Variants in DIS3L2 observed in about 807,000 individuals in gnomAD.
DIS3L2 encodes the protein DIS3 like 3'-5' exoribonuclease 2, also known as DIS3-like exonuclease 2.
In DIS3L2, 34 loss-of-function variants were observed where a neutral mutation model predicts 97.5. The observed-to-expected ratio is 0.35, with a 90% CI of 0.27 to 0.46. The LOEUF (loss-of-function observed/expected upper bound fraction) is 0.46. Ranked by LOEUF, DIS3L2 falls within the 20% of genes least tolerant of loss-of-function variation. The pLI, the probability that DIS3L2 is intolerant of heterozygous loss-of-function variation, is 1.00. For missense variants in DIS3L2, 1,038 were observed against 1,146.0 expected (o/e 0.91, Z 1.36); for synonymous variants, 435 against 445.2 (o/e 0.98, Z 0.29).
At chr2:232,070,501 G>T (rs1695982659) in intron 5 of DIS3L2, among the ~76,000 whole-genome samples, 1 of 151,992 alleles carries the variant, frequency 6.6e-6, no homozygotes, top group Admixed American at 6.6e-5. Context: ...TATGAACTGG[G>T]TCTCCTCTGG....
chr2:232,149,361 C>T lies in DIS3L2; in HGVS notation c.950+12642C>T, dbSNP rs1394078343. Among the ~76,000 whole-genome samples, 6 of 105,526 alleles carry T rather than the reference C, an allele frequency of 5.7e-5. No individual in the cohort carries two copies. The East Asian group carries it at 1.5e-3, about 26-fold the overall frequency. The allele number at this position is 105,526 out of a possible 152,430, so 69.2% of individuals were successfully genotyped here. The stretch of plus-strand genomic sequence containing the variant: ...ATCCCTCCCCCCTCCCCCGACCCCA[C>T]CACAGTCCCCAGAGTGTGATATTCC... On this transcript the variant is annotated intron_variant, in intron 8 of 20. Coordinates refer to ENST00000325385, the MANE Select transcript of DIS3L2 (RefSeq NM_152383.5).
At chr2:232,190,044 G>A (rs570979165) in intron 9 of DIS3L2, among the ~76,000 whole-genome samples, 1 of 152,248 alleles carries the variant, frequency 6.6e-6, no homozygotes, top group South Asian at 2.1e-4. Flanking sequence ...TTTTAAAAAG[G>A]GGCTGAGCAC....
chr2:232,235,319 T>C (rs1692904081), intron 10 of DIS3L2, among the ~76,000 whole-genome samples: 2 of 152,248 alleles, frequency 1.3e-5, no homozygotes, highest in Admixed American at 1.3e-4. Context: ...GCATATGCCA[T>C]GTGACTTTTG....
intron 3 of DIS3L2, among the ~76,000 whole-genome samples, chr2:232,016,901 CCTCCCTCCCTCCCTCCCTCT>C (rs1694368449): frequency 7.2e-6 from 1 of 138,516 alleles, no homozygotes. Flanking sequence ...CTTTTTGTCC[CCTCCCTCCCTCCCTCCCTCT>C]CTCCCTCCCT....
At chr2:232,087,961 C>T (rs1339574570) in intron 6 of DIS3L2, 1 of 478,910 alleles carries the variant, frequency 2.1e-6, no homozygotes, top group African/African-American at 1.9e-5. Flanking sequence ...TCCTAATAGG[C>T]TTGAGCTGTG....
chr2:232,149,237 T>G (rs1690325909), intron 8 of DIS3L2, among the ~76,000 whole-genome samples: 1 of 149,850 alleles, frequency 6.7e-6, no homozygotes, highest in African/African-American at 2.5e-5. Context: ...AGGGTACATG[T>G]GCACATTGTG....
downstream of DIS3L2, among the ~76,000 whole-genome samples, chr2:232,340,184 G>A (rs1223468481): frequency 6.6e-6 from 1 of 152,208 alleles, no homozygotes; most frequent in African/African-American, 2.4e-5. Flanking sequence ...CATGGCAGGT[G>A]AGAGCAGAGG....
intron 4 of DIS3L2, among the ~76,000 whole-genome samples, chr2:232,026,574 T>C (rs916460809): frequency 6.6e-6 from 1 of 151,680 alleles, no homozygotes; most frequent in African/African-American, 2.4e-5. Context: ...GAAGTGCCTG[T>C]ATATGTCCTG....
intron 1 of DIS3L2, among the ~76,000 whole-genome samples, chr2:231,986,156 C>T (rs995425145): frequency 6.6e-6 from 1 of 152,234 alleles, no homozygotes; most frequent in Non-Finnish European, 1.5e-5. Context: ...GAAGGCAGCA[C>T]TGTTGGCTTC....
chr2:232,201,371 T>G (rs1388575351), intron 9 of DIS3L2, among the ~76,000 whole-genome samples: 2 of 152,242 alleles, frequency 1.3e-5, no homozygotes, highest in Non-Finnish European at 2.9e-5. Flanking sequence ...TTTGATTTAT[T>G]TCTGTCTATC....
At chr2:232,252,093 G>T (rs1476211189) in intron 12 of DIS3L2, among the ~76,000 whole-genome samples, 1 of 152,206 alleles carries the variant, frequency 6.6e-6, no homozygotes, top group African/African-American at 2.4e-5. Context: ...CTACTACACT[G>T]TCCTTCAGGT....
Position 232,336,693 on chromosome 2 carries a change from C to G in DIS3L2, c.*63C>G. 2.6e-6 allele frequency: 4 copies of G among 1,556,034 alleles called. No individual in the cohort carries two copies. Among genetic ancestry groups the G allele is most frequent in the Non-Finnish European group, 3.5e-6 (4 of 1,159,010 alleles). The stretch of plus-strand genomic sequence containing the variant: ...TGTCCCGCCACACTGGCTTTAGGAC[C>G]TGTTGACACGGAGGGGGGTTTTTAA... On this transcript the variant is annotated 3_prime_UTR_variant, in exon 21 of 21. Transcript: ENST00000325385.
At chr2:232,022,570 A>T (rs1427682243) in intron 3 of DIS3L2, among the ~76,000 whole-genome samples, 2 of 152,180 alleles carry the variant, frequency 1.3e-5, no homozygotes, top group African/African-American at 2.4e-5. Context: ...TGATAGAAGA[A>T]TAGGAATTGA....
chr2:232,321,041 G>A (rs1046635702), intron 14 of DIS3L2, among the ~76,000 whole-genome samples: 29 of 152,180 alleles, frequency 1.9e-4, no homozygotes, highest in African/African-American at 6.5e-4. Context: ...AGCAGAGGGG[G>A]CAGAGTGGAA....
chr2:232,158,637 A>T (rs1483238357), intron 8 of DIS3L2, among the ~76,000 whole-genome samples: 1 of 152,076 alleles, frequency 6.6e-6, no homozygotes, highest in African/African-American at 2.4e-5. Context: ...TGTTTCTGTG[A>T]GCCCTTTGAT....
At chr2:232,123,537 G>T in intron 6 of DIS3L2, among the ~76,000 whole-genome samples, 1 of 150,492 alleles carries the variant, frequency 6.6e-6, no homozygotes, top group South Asian at 2.1e-4. Context: ...CCCCATCTAT[G>T]CTCTACACTG....
chr2:232,322,238 G>T (rs1695457696), intron 14 of DIS3L2, among the ~76,000 whole-genome samples: 1 of 152,230 alleles, frequency 6.6e-6, no homozygotes, highest in South Asian at 2.1e-4. Context: ...AGCATGGATG[G>T]GGTGTCAGGG....
At position 232,276,553 on chromosome 2, in the gene DIS3L2, A is replaced by G. The variant is rs62199213; in HGVS notation, c.1659+13113A>G. Among the ~76,000 whole-genome samples the G allele has an allele frequency of 0.16, 23,842 of 152,264 alleles. 2,487 individuals are homozygous for G. The highest frequency in any genetic ancestry group is 0.22 in the Non-Finnish European group (15,141 of 67,994). On this transcript the variant is annotated intron_variant, in intron 13 of 20. Transcript: ENST00000325385. The surrounding 1 kb of genome is among the most constrained non-coding windows in gnomAD (Gnocchi z 4.4). The stretch of plus-strand genomic sequence containing the variant: ...TCCTGTTTGCCCAGAGGCCTCGCTC[A>G]GACTTGTTCCTTTTTGGTACATGTT...
intron 5 of DIS3L2, among the ~76,000 whole-genome samples, chr2:232,045,670 C>CT (rs35019734): frequency 0.091 from 9,023 of 99,024 alleles, 1,267 homozygotes; most frequent in East Asian, 0.49. Flanking sequence ...AAAGGCCTCA[C>CT]TTTTTTTTTT....
Sources: gnomAD v4.1 joint callset for allele counts (sites outside exome capture counted in the v4.1 genomes callset) on GRCh38, gnomAD v4.1.1 for gene constraint, Gnocchi (gnomAD v3.1) non-coding constraint, MANE v1.5 for transcripts, NCBI Gene and HGNC (gene_info 2026-07-23, HGNC 2026-07-21) for gene names.